DLG2: variants seen among roughly 807,000 people sequenced by gnomAD.
The protein encoded by DLG2 is discs large MAGUK scaffold protein 2, also known as disks large homolog 2.
In DLG2, 45 loss-of-function variants were observed where a neutral mutation model predicts 132.5. The ratio of observed to expected loss-of-function variants is 0.34; its 90% CI spans 0.27 to 0.44. DLG2 has a LOEUF of 0.44. Among genes scored for constraint, DLG2 ranks in the 20% least tolerant of loss-of-function variants. The probability of loss-of-function intolerance (pLI) is 1.00; values close to 1 mark genes in which losing one functional copy is unlikely to be tolerated. For missense variants in DLG2, 1,045 were observed against 1,196.9 expected (o/e 0.87, Z 1.87); for synonymous variants, 424 against 419.6 (o/e 1.01, Z -0.13).
intron 7 of DLG2, among the ~76,000 whole-genome samples, chr11:84,343,956 G>A (rs2098527480): frequency 6.6e-6 from 1 of 152,054 alleles, no homozygotes; most frequent in South Asian, 2.1e-4. Context: ...TAGTTATCTA[G>A]TTATGTCCTC....
intron 6 of DLG2, among the ~76,000 whole-genome samples, chr11:84,832,134 T>A (rs12223609): frequency 6.6e-6 from 1 of 151,838 alleles, no homozygotes; most frequent in South Asian, 2.1e-4. Context: ...TCTTCCTTTC[T>A]GTTTTTTACT....
chr11:85,306,909 A>G (rs1446246283), intron 3 of DLG2, among the ~76,000 whole-genome samples: 1 of 151,926 alleles, frequency 6.6e-6, no homozygotes, highest in Non-Finnish European at 1.5e-5. Flanking sequence ...AAGACTGAAG[A>G]CTCCCTAGCT....
intron 6 of DLG2, among the ~76,000 whole-genome samples, chr11:85,007,559 G>A (rs1398823150): frequency 8.6e-5 from 13 of 150,854 alleles, no homozygotes; most frequent in African/African-American, 2.4e-4. Flanking sequence ...CCAGCTACTC[G>A]GGAAGCTGAG....
chr11:83,829,476 C>T (rs534452337), intron 17 of DLG2, among the ~76,000 whole-genome samples: 67 of 152,302 alleles, frequency 4.4e-4, no homozygotes, highest in African/African-American at 1.6e-3. Flanking sequence ...GGATTATAGG[C>T]ATGAGCCACT....
At chr11:84,980,180 T>G (rs1427290550) in intron 6 of DLG2, among the ~76,000 whole-genome samples, 1 of 152,168 alleles carries the variant, frequency 6.6e-6, no homozygotes, top group Non-Finnish European at 1.5e-5. Context: ...AATAATGTAT[T>G]CCTAAAAATT....
At chr11:85,476,584 A>G (rs1398674438) in intron 3 of DLG2, among the ~76,000 whole-genome samples, 2 of 152,026 alleles carry the variant, frequency 1.3e-5, no homozygotes, top group Non-Finnish European at 2.9e-5. Context: ...CTTTCTTTAT[A>G]TCCTTATTTT....
rs2077206535 is a variant in DLG2, at chr11:85,561,043, AT to A, written c.40+37613del. 7.3e-5 allele frequency among the ~76,000 whole-genome samples: 11 copies of A among 150,878 alleles called. No individual in the cohort carries two copies. The South Asian group carries it at 2.3e-3, about 32-fold the overall frequency. On this transcript the variant is annotated intron_variant, in intron 3 of 27. Transcript: ENST00000376104. ...TAACAACATCCTATGTCAAAAAAAAATAATAAAAATAAACACTGTGAGCTGT... is the reference window on the plus strand; with the variant it reads ...TAACAACATCCTATGTCAAAAAAAAAAATAAAAATAAACACTGTGAGCTGT...
At chr11:85,451,643 G>A (rs2092247421) in intron 3 of DLG2, among the ~76,000 whole-genome samples, 1 of 152,110 alleles carries the variant, frequency 6.6e-6, no homozygotes, top group African/African-American at 2.4e-5. Context: ...CAGAATTATT[G>A]TGACAATTAA....
intron 3 of DLG2, among the ~76,000 whole-genome samples, chr11:85,381,349 C>A (rs1464621902): frequency 3.9e-4 from 59 of 152,110 alleles, no homozygotes; most frequent in Admixed American, 3.8e-3. Context: ...CCAGCCTCTT[C>A]AACATGAATA....
intron 5 of DLG2, among the ~76,000 whole-genome samples, chr11:85,122,759 T>A (rs1352430968): frequency 6.6e-6 from 1 of 151,146 alleles, no homozygotes; most frequent in Non-Finnish European, 1.5e-5. Flanking sequence ...AAGGGAGCAG[T>A]AGGGGACAGG....
chr11:84,019,496 G>A (rs959220772), intron 11 of DLG2, among the ~76,000 whole-genome samples: 1 of 152,146 alleles, frequency 6.6e-6, no homozygotes, highest in African/African-American at 2.4e-5. Context: ...ACGTAAGGAG[G>A]ATTTTTTGAG....
chr11:85,000,259 C>T (rs923736910), intron 6 of DLG2, among the ~76,000 whole-genome samples: 1 of 152,092 alleles, frequency 6.6e-6, no homozygotes, highest in Admixed American at 6.6e-5. Flanking sequence ...ATTGCTCATT[C>T]GATCTTCAAG....
At chr11:84,087,864 C>T (rs1049064249) in intron 10 of DLG2, among the ~76,000 whole-genome samples, 10 of 152,230 alleles carry the variant, frequency 6.6e-5, no homozygotes, top group Middle Eastern at 3.4e-3. Context: ...GGACTTCTGA[C>T]GTCCAGAACT....
intron 4 of DLG2, among the ~76,000 whole-genome samples, chr11:85,191,547 T>C (rs2080577365): frequency 6.6e-6 from 1 of 152,094 alleles, no homozygotes; most frequent in African/African-American, 2.4e-5. Context: ...GCTAAGAAAA[T>C]CCATATCCCA....
intron 21 of DLG2, among the ~76,000 whole-genome samples, chr11:83,519,327 T>C (rs2095404788): frequency 6.6e-6 from 1 of 152,248 alleles, no homozygotes; most frequent in South Asian, 2.1e-4. Flanking sequence ...AAAGTATCAC[T>C]AATCACATTA....
chr11:84,370,193 A>C (rs1330398835), intron 7 of DLG2, among the ~76,000 whole-genome samples: 1 of 152,192 alleles, frequency 6.6e-6, no homozygotes, highest in Non-Finnish European at 1.5e-5. Flanking sequence ...AGACTCGAAT[A>C]TATAACCGTT....
intron 3 of DLG2, among the ~76,000 whole-genome samples, chr11:85,296,210 G>A (rs1006812493): frequency 6.6e-6 from 1 of 152,080 alleles, no homozygotes; most frequent in Non-Finnish European, 1.5e-5. Flanking sequence ...AGGCACATAA[G>A]TATAGATTTA....
intron 7 of DLG2, among the ~76,000 whole-genome samples, chr11:84,365,653 C>T (rs2098677841): frequency 6.6e-6 from 1 of 151,826 alleles, no homozygotes; most frequent in Non-Finnish European, 1.5e-5. Context: ...GCATTGAGTG[C>T]TATAAATTTC....
intron 6 of DLG2, among the ~76,000 whole-genome samples, chr11:84,699,550 T>TA (rs2058985408): frequency 6.6e-6 from 1 of 151,490 alleles, no homozygotes; most frequent in South Asian, 2.1e-4. Flanking sequence ...TTGGAGTTCT[T>TA]ATTCCAACAT....
Sources: allele counts gnomAD v4.1 joint callset (sites outside exome capture counted in the v4.1 genomes callset), GRCh38; gene constraint gnomAD v4.1.1; transcripts MANE v1.5; gene names NCBI Gene and HGNC (gene_info 2026-07-23, HGNC 2026-07-21).